Variants in SLC37A2 observed in about 807,000 individuals in gnomAD.
SLC37A2 encodes the protein solute carrier family 37 member 2.
A neutral mutation model predicts 70.7 loss-of-function variants in SLC37A2; 59 were observed. The observed-to-expected ratio is 0.83, with a 90% CI of 0.68 to 1.04. The LOEUF is 1.04. Ranked by LOEUF, SLC37A2 falls within the 50% of genes least tolerant of loss-of-function variation. SLC37A2 has a pLI of 0.00. For missense variants in SLC37A2, 580 were observed against 658.1 expected (o/e 0.88, Z 1.30); for synonymous variants, 257 against 262.1 (o/e 0.98, Z 0.19).
intron 1 of SLC37A2, among the ~76,000 whole-genome samples, chr11:125,065,749 C>T (rs1023924433): frequency 1.3e-5 from 2 of 150,886 alleles, no homozygotes; most frequent in African/African-American, 2.5e-5. Flanking sequence ...TAATTATGTA[C>T]TGGTAAAAAA....
At chr11:125,076,303 A>C (rs1176628972) in intron 1 of SLC37A2, among the ~76,000 whole-genome samples, 1 of 152,024 alleles carries the variant, frequency 6.6e-6, no homozygotes, top group Non-Finnish European at 1.5e-5. Context: ...GAAGCTTCAG[A>C]GGAGTGTCAA....
At chr11:125,064,023 G>C (rs992500721) in intron 1 of SLC37A2, among the ~76,000 whole-genome samples, 2 of 152,172 alleles carry the variant, frequency 1.3e-5, no homozygotes, top group African/African-American at 4.8e-5. Flanking sequence ...TGACCGCAGG[G>C]ACCACATGTT....
chr11:125,085,169 G>A, intron 14 of SLC37A2, 30 bp downstream of exon 14: 2 of 1,604,852 alleles, frequency 1.2e-6, no homozygotes, highest in East Asian at 2.2e-5. Flanking sequence ...GAGGGCCAGG[G>A]ACCGTTCTGG....
chr11:125,076,590 T>C (rs1949089765), intron 1 of SLC37A2, among the ~76,000 whole-genome samples, 167 bp from the exon 2 acceptor site: 1 of 152,168 alleles, frequency 6.6e-6, no homozygotes, highest in Non-Finnish European at 1.5e-5. Context: ...CACCCTGGCC[T>C]CTGGGCATTT....
At position 125,084,841 on chromosome 11, in the gene SLC37A2, A is replaced by G; in HGVS notation, c.1142A>G (p.Tyr381Cys). 1 of 1,613,858 alleles carries G rather than the reference A, an allele frequency of 6.2e-7. No homozygotes were observed. The highest frequency in any genetic ancestry group is 8.5e-7 in the Non-Finnish European group (1 of 1,179,896). The change falls in exon 13 of 18, where the codon TAC becomes TGC. Residue 381 changes from tyrosine (Y) to cysteine (C), a missense_variant. Tyr to Cys is a radical substitution (Grantham distance 194). Coordinates refer to ENST00000403796, the MANE Select transcript of SLC37A2 (RefSeq NM_001145290.2). Reference protein sequence around the residue: ...LAAPMMFLYNYIGQDGIASSI... With the variant: ...LAAPMMFLYNCIGQDGIASSI... Reference sequence around the variant, plus strand: ...CTCTCTCAGATGTTCCTGTACAACTACATTGGCCAGGACGGGATTGCCAGC... The same window carrying G: ...CTCTCTCAGATGTTCCTGTACAACTGCATTGGCCAGGACGGGATTGCCAGC...
At chr11:125,073,827 A>G (rs1591629035) in intron 1 of SLC37A2, among the ~76,000 whole-genome samples, 1 of 152,214 alleles carries the variant, frequency 6.6e-6, no homozygotes, top group Non-Finnish European at 1.5e-5. Flanking sequence ...CTTGAGCCTC[A>G]GTGAGGAAGC....
rs144696884 is a variant in SLC37A2 at position 125,086,296 on chromosome 11, A to C, written c.1490+278A>C. On this transcript the variant is annotated intron_variant, in intron 17 of 17. Coordinates refer to ENST00000403796, the MANE Select transcript of SLC37A2 (RefSeq NM_001145290.2). Reference sequence around the variant, plus strand: ...ACTTCGAGTCTGTGACTCGAGTGCCATTTGAGTGGGGGCTGCATGCAAATC... The same window carrying C: ...ACTTCGAGTCTGTGACTCGAGTGCCCTTTGAGTGGGGGCTGCATGCAAATC... 304 of 1,487,626 alleles carry C rather than the reference A, an allele frequency of 2.0e-4. 3 individuals carry two copies. In the East Asian group the frequency reaches 4.1e-3, roughly 20 times the overall value. 92.2% of individuals were successfully genotyped at this position (1,487,626 alleles called of 1,614,324 possible).
chr11:125,063,574 C>G lies in SLC37A2; in HGVS notation c.59+148C>G. On this transcript the variant is annotated intron_variant, in intron 1 of 17. Coordinates refer to ENST00000403796, the MANE Select transcript of SLC37A2 (RefSeq NM_001145290.2). This position sits in a 1 kb window ranked among gnomAD's most constrained non-coding sequence, Gnocchi z 5.4. Reference sequence around the variant, plus strand: ...GGGGGGACTTGGTCCCGAGCTCCTCCAGCGGCGCCCGCCTCGGAGGTTGAT... The same window carrying G: ...GGGGGGACTTGGTCCCGAGCTCCTCGAGCGGCGCCCGCCTCGGAGGTTGAT... 5 of 690,784 alleles carry G rather than the reference C, an allele frequency of 7.2e-6. No homozygotes were observed. The highest frequency in any genetic ancestry group is 1.1e-5 in the Non-Finnish European group (5 of 436,204). The allele number at this position is 690,784 out of a possible 1,614,324, so 42.8% of individuals were successfully genotyped here. A position where few individuals can be genotyped will look rare whatever the true frequency, so the allele number is the denominator to read the frequency against.
At chr11:125,068,345 C>T (rs1591626505) in intron 1 of SLC37A2, among the ~76,000 whole-genome samples, 1 of 152,350 alleles carries the variant, frequency 6.6e-6, no homozygotes, top group East Asian at 1.9e-4. Flanking sequence ...TATCCTTTTA[C>T]TTCCTTCCAG....
chr11:125,083,601 G>A lies in SLC37A2; in HGVS notation c.977-214G>A, dbSNP rs888515985. 1.3e-5 allele frequency among the ~76,000 whole-genome samples: 2 copies of A among 152,172 alleles called. No homozygotes were observed. The highest frequency in any genetic ancestry group is 2.4e-5 in the African/African-American group (1 of 41,462). ...GAGAGGTGAAGGTCATCCTGCAGGG[G>A]AAGAGGGCAACACAGGACGGGACCA... On this transcript the variant is annotated intron_variant, in intron 10 of 17. Coordinates refer to ENST00000403796, the MANE Select transcript of SLC37A2 (RefSeq NM_001145290.2). This position sits in a 1 kb window ranked among gnomAD's most constrained non-coding sequence, Gnocchi z 4.6.
chr11:125,081,798 C>T lies in SLC37A2; in HGVS notation c.777C>T (p.Asn259=), dbSNP rs1333350380. 1.2e-6 allele frequency: 2 copies of T among 1,613,124 alleles called. No individual in the cohort carries two copies. The highest frequency in any genetic ancestry group is 1.1e-5 in the South Asian group (1 of 91,030). The change falls in exon 9 of 18, where the codon AAC becomes AAT. Residue 259 remains asparagine, a synonymous_variant. Transcript: ENST00000403796. ...ENQDNPEDPG[N]SPCSIRESGL... ...AGGACAACCCTGAGGACCCTGGGAA[C>T]AGTCCCTGCTCTATCAGGGAGAGCG...
In SLC37A2 at chr11:125,090,503, C is replaced by A. The variant is rs1199495625; in HGVS notation, c.*2369C>A. Among the ~76,000 whole-genome samples the A allele has an allele frequency of 6.6e-6, 1 of 151,350 alleles. No homozygotes were observed. The highest frequency in any genetic ancestry group is 1.5e-5 in the Non-Finnish European group (1 of 67,776). ...GGGAGCTTTGTTCTTTGCAATAAATCTTGCTACTGCTCACTCTTTGAGTCC... is the reference window on the plus strand; with the variant it reads ...GGGAGCTTTGTTCTTTGCAATAAATATTGCTACTGCTCACTCTTTGAGTCC... On this transcript the variant is annotated 3_prime_UTR_variant, in exon 18 of 18. Transcript: ENST00000403796.
rs1252260907 is a variant in SLC37A2, at chr11:125,079,719, C to G, written c.486C>G (p.Pro162=). The G allele has an allele frequency of 3.7e-6, 6 of 1,609,644 alleles. No homozygotes were observed. The highest frequency in any genetic ancestry group is 1.7e-5 in the Admixed American group (1 of 59,398). ...GACTCGTCCAGACCACAGGCTGGCC[C>G]TCTGTGGTGACCTGTGTTGGCAACT... ...CNGLVQTTGW[P]SVVTCVGNWF... The change falls in exon 6 of 18, where the codon CCC becomes CCG. Residue 162 remains proline, a synonymous_variant. Coordinates refer to ENST00000403796, the MANE Select transcript of SLC37A2 (RefSeq NM_001145290.2).
chr11:125,069,838 CCTG>C (rs1393098537), intron 1 of SLC37A2, among the ~76,000 whole-genome samples: 1 of 152,246 alleles, frequency 6.6e-6, no homozygotes, highest in East Asian at 1.9e-4. Flanking sequence ...CTCTCCTCCT[CCTG>C]TTAGGCCTTC....
At position 125,085,046 on chromosome 11, in the gene SLC37A2, C is replaced by T; in HGVS notation, c.1175-20C>T. 5.0e-6 allele frequency: 8 copies of T among 1,613,468 alleles called. No individual in the cohort carries two copies. Among genetic ancestry groups the T allele is most frequent in the Non-Finnish European group, 6.8e-6 (8 of 1,179,476 alleles). On this transcript the variant is annotated intron_variant, in intron 13 of 17. Transcript: ENST00000403796. The stretch of plus-strand genomic sequence containing the variant: ...CGGGTGGTGCTGCTTCTCTGACTGG[C>T]TGTCTCTATGCTGTCCCAGTGATGC...
intron 5 of SLC37A2, 76 bp from the exon 6 acceptor site, chr11:125,079,608 A>G: frequency 8.3e-7 from 1 of 1,204,944 alleles, no homozygotes; most frequent in Non-Finnish European, 1.2e-6. Context: ...GAACCTCCTC[A>G]GCCCAGGGTG....
Position 125,063,968 on chromosome 11 carries a change from C to T in SLC37A2, c.59+542C>T, listed in dbSNP as rs1337683530. Among the ~76,000 whole-genome samples the T allele has an allele frequency of 6.6e-6, 1 of 152,190 alleles. No individual in the cohort carries two copies. The highest frequency in any genetic ancestry group is 6.5e-5 in the Admixed American group (1 of 15,286). On this transcript the variant is annotated intron_variant, in intron 1 of 17. Transcript: ENST00000403796. The surrounding 1 kb of genome is among the most constrained non-coding windows in gnomAD (Gnocchi z 5.4). ...GCACAGCTCTCAGAGCAGAGCAGGG[C>T]AGCCCCTCGGCAGTGGGAGAAGGGC...
intron 1 of SLC37A2, among the ~76,000 whole-genome samples, chr11:125,074,896 A>G (rs892043711): frequency 6.6e-6 from 1 of 152,230 alleles, no homozygotes; most frequent in Non-Finnish European, 1.5e-5. Context: ...ACATCATGGC[A>G]GAGGCCCTGG....
At chr11:125,067,079 A>G (rs930860255) in intron 1 of SLC37A2, among the ~76,000 whole-genome samples, 1 of 152,150 alleles carries the variant, frequency 6.6e-6, no homozygotes, top group African/African-American at 2.4e-5. Context: ...TCCTGGGCTC[A>G]AGGGATCCTC....
Sources: allele counts gnomAD v4.1 joint callset (sites outside exome capture counted in the v4.1 genomes callset), GRCh38; gene constraint gnomAD v4.1.1; non-coding constraint Gnocchi (gnomAD v3.1); transcripts MANE v1.5; gene names NCBI Gene and HGNC (gene_info 2026-07-23, HGNC 2026-07-21).